CLVS1: variants seen among roughly 807,000 people sequenced by gnomAD.
CLVS1 encodes clavesin 1, also known as clavesin-1.
A neutral mutation model predicts 33.1 loss-of-function variants in CLVS1; 10 were observed. The ratio of observed to expected loss-of-function variants is 0.30; its 90% CI spans 0.19 to 0.51. The LOEUF (loss-of-function observed/expected upper bound fraction) is 0.51. Among genes scored for constraint, CLVS1 ranks in the 20% least tolerant of loss-of-function variants. The pLI, the probability that CLVS1 is intolerant of heterozygous loss-of-function variation, is 0.97. For synonymous variants in CLVS1, 163 were observed against 166.1 expected, an observed-to-expected ratio of 0.98 and a Z score of 0.14; for missense variants, 343 against 433.4, an observed-to-expected ratio of 0.79 and a Z score of 1.85.
At position 61,086,212 on chromosome 8, in the gene CLVS1, G is replaced by C. The variant is rs532072817; in HGVS notation, c.-243+28982G>C. On this transcript the variant is annotated intron_variant, in intron 1 of 2. Transcript: ENST00000522621. ...ATTGCACTCCAGCCTGGGAGCCAGAGTGAGACTCTGTCTCAAAAATAAATA... is the reference window on the plus strand; with the variant it reads ...ATTGCACTCCAGCCTGGGAGCCAGACTGAGACTCTGTCTCAAAAATAAATA... Among the ~76,000 whole-genome samples, 7 of 151,600 alleles carry C rather than the reference G, an allele frequency of 4.6e-5. No individual in the cohort carries two copies. In the East Asian group the frequency reaches 1.4e-3, roughly 29 times the overall value.
intron 2 of CLVS1, among the ~76,000 whole-genome samples, chr8:61,333,793 A>G (rs766678012): frequency 4.6e-5 from 7 of 152,232 alleles, no homozygotes; most frequent in East Asian, 3.9e-4. Flanking sequence ...AGGTTATTTC[A>G]TCACCCAGGT....
intron 2 of CLVS1, among the ~76,000 whole-genome samples, chr8:61,157,950 A>T (rs992001899): frequency 2.0e-5 from 3 of 152,190 alleles, no homozygotes; most frequent in Non-Finnish European, 2.9e-5. Context: ...AATTTAAAAA[A>T]GTTAAACATA....
rs116674133 is a variant in CLVS1, at chr8:61,387,244, G to A, written c.630+10465G>A. 8.1e-3 allele frequency among the ~76,000 whole-genome samples: 1,225 copies of A among 152,034 alleles called. 19 individuals are homozygous for A. Among genetic ancestry groups the A allele is most frequent in the African/African-American group, 0.028 (1,146 of 41,478 alleles). ...CTCTACTAAAATACAAAAATTAGCC[G>A]GTCATGATGGAGGGTGCTCGTAATC... On this transcript the variant is annotated intron_variant, in intron 3 of 5. Coordinates refer to ENST00000325897, the MANE Select transcript of CLVS1 (RefSeq NM_173519.3).
rs576987739 is a variant in CLVS1, at chr8:61,157,355, A to G, written c.-152+25495A>G. Among the ~76,000 whole-genome samples the G allele has an allele frequency of 2.4e-3, 368 of 152,358 alleles. 2 individuals are homozygous for G. The highest frequency in any genetic ancestry group is 4.2e-3 in the Non-Finnish European group (283 of 68,036). Reference sequence around the variant, plus strand: ...TGAATATTCATATAGAAAAATCAAGATGTTTGACTTATCTAGCCATACACA... The same window carrying G: ...TGAATATTCATATAGAAAAATCAAGGTGTTTGACTTATCTAGCCATACACA... On this transcript the variant is annotated intron_variant, in intron 2 of 2. Transcript: ENST00000522621.
At chr8:61,155,607 A>G (rs1236966128) in intron 2 of CLVS1, among the ~76,000 whole-genome samples, 1 of 152,154 alleles carries the variant, frequency 6.6e-6, no homozygotes, top group Admixed American at 6.5e-5. Flanking sequence ...CACGGTACTT[A>G]ACCCCAAAAT....
chr8:61,353,109 C>A (rs1365693467), intron 2 of CLVS1, among the ~76,000 whole-genome samples: 1 of 151,928 alleles, frequency 6.6e-6, no homozygotes, highest in Admixed American at 6.6e-5. Flanking sequence ...GATAAAACTG[C>A]AATTATAGTT....
chr8:61,144,070 C>CT (rs766183704), intron 2 of CLVS1, among the ~76,000 whole-genome samples: 56 of 148,182 alleles, frequency 3.8e-4, no homozygotes, highest in Non-Finnish European at 1.0e-4. Context: ...TATATATATA[C>CT]TTTAAGTTCT....
intron 3 of CLVS1, among the ~76,000 whole-genome samples, chr8:61,427,688 T>C (rs1353787623): frequency 2.0e-5 from 3 of 152,218 alleles, no homozygotes; most frequent in African/African-American, 7.2e-5. Flanking sequence ...AGGAGGAAAC[T>C]GGGCTCAGAG....
At position 61,376,772 on chromosome 8, in the gene CLVS1, G is replaced by T; in HGVS notation, c.623G>T (p.Gly208Val). The change falls in exon 3 of 6, where the codon GGG becomes GTG. Residue 208 changes from glycine (G) to valine (V), a missense_variant. Gly to Val is a moderately radical substitution (Grantham distance 109, BLOSUM62 -3). This residue lies in a region of CLVS1 where 166 missense variants were observed against 244.0 expected (regional missense o/e 0.68). Coordinates refer to ENST00000325897, the MANE Select transcript of CLVS1 (RefSeq NM_173519.3). The stretch of plus-strand genomic sequence containing the variant: ...TCAATCCTTAAACTGGCCATTGAAG[G>T]GTTGCAGGTATGTTCAATGAATGCG... ...TPSILKLAIE[G>V]LQDSFPARFG... 1 of 1,613,670 alleles carries T rather than the reference G, an allele frequency of 6.2e-7. No individual in the cohort carries two copies. The highest frequency in any genetic ancestry group is 8.5e-7 in the Non-Finnish European group (1 of 1,179,754).
chr8:61,499,082 T>G (rs12674527), intron 5 of CLVS1, among the ~76,000 whole-genome samples: 11,027 of 152,258 alleles, frequency 0.072, 458 homozygotes, highest in East Asian at 0.13. Context: ...CCAAAATGCT[T>G]TTTTGCCGTA....
intron 2 of CLVS1, among the ~76,000 whole-genome samples, chr8:61,332,969 T>C (rs1394525072): frequency 6.6e-6 from 1 of 152,230 alleles, no homozygotes; most frequent in Admixed American, 6.5e-5. Context: ...TCTTCATGTA[T>C]AAAGAGAATC....
chr8:61,150,264 C>T (rs1392753223), intron 2 of CLVS1, among the ~76,000 whole-genome samples: 3 of 152,182 alleles, frequency 2.0e-5, no homozygotes, highest in Non-Finnish European at 4.4e-5. Flanking sequence ...GAATGCCTCA[C>T]TTCTGGTCCA....
At chr8:61,478,683 C>T (rs1466305538) in intron 5 of CLVS1, among the ~76,000 whole-genome samples, 1 of 152,182 alleles carries the variant, frequency 6.6e-6, no homozygotes, top group East Asian at 1.9e-4. Flanking sequence ...GATCTTCCTC[C>T]AGCCCTTTAT....
intron 3 of CLVS1, among the ~76,000 whole-genome samples, chr8:61,444,545 G>A (rs1033178135): frequency 3.9e-5 from 6 of 152,090 alleles, no homozygotes; most frequent in African/African-American, 1.4e-4. Context: ...AAAGTACCAG[G>A]AATTTGTTTT....
intron 3 of CLVS1, among the ~76,000 whole-genome samples, chr8:61,412,116 C>T (rs946619629): frequency 2.0e-5 from 3 of 152,174 alleles, no homozygotes; most frequent in Admixed American, 6.5e-5. Flanking sequence ...TCAGCATTCA[C>T]ACCACACTAG....
chr8:60,981,042 C>A, the CLVS1 span, among the ~76,000 whole-genome samples: 1 of 152,160 alleles, frequency 6.6e-6, no homozygotes, highest in East Asian at 1.9e-4. Context: ...GATGGCTTCT[C>A]TAGAGCCTCC....
chr8:61,258,412 G>A (rs2129592067), intron 2 of CLVS1, among the ~76,000 whole-genome samples: 1 of 152,280 alleles, frequency 6.6e-6, no homozygotes, highest in South Asian at 2.1e-4. Context: ...CTTGTGAGGG[G>A]AGGAGAAGAA....
At chr8:61,455,855 A>G (rs1203878646) in intron 4 of CLVS1, among the ~76,000 whole-genome samples, 1 of 152,190 alleles carries the variant, frequency 6.6e-6, no homozygotes, top group African/African-American at 2.4e-5. Flanking sequence ...TAACTCCTAG[A>G]TCTCAGATGC....
At chr8:61,129,209 T>TA (rs1475016652) in intron 1 of CLVS1, among the ~76,000 whole-genome samples, 2 of 152,244 alleles carry the variant, frequency 1.3e-5, no homozygotes, top group Non-Finnish European at 2.9e-5. Flanking sequence ...GTTGGCTAGA[T>TA]AATTTAACAG....
Sources: gnomAD v4.1 joint callset for allele counts (sites outside exome capture counted in the v4.1 genomes callset) on GRCh38, gnomAD v4.1.1 for gene constraint, gnomAD v4.1.1 regional missense constraint, MANE v1.5 for transcripts, NCBI Gene and HGNC (gene_info 2026-07-23, HGNC 2026-07-21) for gene names.